The following TET2 variants were observed in gnomAD, a reference collection of about 807,000 sequenced individuals.
TET2 encodes methylcytosine dioxygenase TET2.
A neutral mutation model predicts 142.9 loss-of-function variants in TET2; 299 were observed. That is an observed-to-expected ratio of 2.09 (90% confidence interval 1.90 to 2.30). TET2 has a LOEUF of 2.30. Ranked by LOEUF, TET2 falls within the 30% of genes most tolerant of loss-of-function variation. TET2 has a pLI of 0.00. For missense variants in TET2, 2,418 were observed against 2,378.0 expected (o/e 1.02, Z -0.35); for synonymous variants, 819 against 849.0 (o/e 0.96, Z 0.61).
chr4:105,221,960 C>T (rs1313780385), intron 2 of TET2, among the ~76,000 whole-genome samples: 4 of 146,058 alleles, frequency 2.7e-5, no homozygotes, highest in East Asian at 2.0e-4. Context: ...TGAGAATATG[C>T]GGTGTTTGGT....
At chr4:105,244,616 A>T (rs1041979531) in intron 6 of TET2, among the ~76,000 whole-genome samples, 37 of 62,854 alleles carry the variant, frequency 5.9e-4, no homozygotes, top group Non-Finnish European at 6.4e-4. Context: ...TTTTTTTGAG[A>T]TGGAGTTTCG....
Position 105,168,736 on chromosome 4 carries a change from C to T in TET2, c.-192-21624C>T, listed in dbSNP as rs533436513. 3.9e-5 allele frequency among the ~76,000 whole-genome samples: 6 copies of T among 152,232 alleles called. 1 individual carries two copies. In the South Asian group the frequency reaches 1.2e-3, roughly 32 times the overall value. ...TTCGTAGTCTTTTATTCCTCACCCCCTTCCCACCCTTTTCCCCTGAGTCCC... is the reference window on the plus strand; with the variant it reads ...TTCGTAGTCTTTTATTCCTCACCCCTTTCCCACCCTTTTCCCCTGAGTCCC... On this transcript the variant is annotated intron_variant, in intron 1 of 10. Coordinates refer to ENST00000380013, the MANE Select transcript of TET2 (RefSeq NM_001127208.3).
At chr4:105,262,595 G>A (rs1259147131) in intron 8 of TET2, among the ~76,000 whole-genome samples, 1 of 151,980 alleles carries the variant, frequency 6.6e-6, no homozygotes, top group African/African-American at 2.4e-5. Context: ...TAAGAATTCC[G>A]TCTTTGCTGG....
chr4:105,196,598 C>T (rs758331374), intron 2 of TET2, among the ~76,000 whole-genome samples: 6 of 152,136 alleles, frequency 3.9e-5, no homozygotes, highest in African/African-American at 9.7e-5. Context: ...ACCGTGACAT[C>T]GTATTTTACA....
At position 105,257,080 on chromosome 4, in the gene TET2, T is replaced by C. The variant is rs550812926; in HGVS notation, c.3804-2539T>C. ...TGGACTTTTTCAGGAATAGCCTCTA[T>C]TGACTACTTTATAGGGGCCATACTT... On this transcript the variant is annotated intron_variant, in intron 6 of 10. Coordinates refer to ENST00000380013, the MANE Select transcript of TET2 (RefSeq NM_001127208.3). Among the ~76,000 whole-genome samples, 128 of 152,304 alleles carry C rather than the reference T, an allele frequency of 8.4e-4. 3 individuals carry two copies. In the South Asian group the frequency reaches 0.026, roughly 31 times the overall value.
chr4:105,233,855 T>TAGAC (rs1728658678), intron 2 of TET2, 42 bp from the exon 3 acceptor site: 1 of 904,894 alleles, frequency 1.1e-6, no homozygotes, highest in Admixed American at 2.8e-5. Context: ...GATAGATAGA[T>TAGAC]AGAAATAAAC....
intron 6 of TET2, among the ~76,000 whole-genome samples, chr4:105,250,899 C>T (rs1729840979): frequency 6.6e-6 from 1 of 151,798 alleles, no homozygotes; most frequent in Non-Finnish European, 1.5e-5. Context: ...CCAGGCTGGT[C>T]TCAAACACCT....
intron 7 of TET2, among the ~76,000 whole-genome samples, chr4:105,261,015 G>A (rs529512149): frequency 6.6e-6 from 1 of 151,828 alleles, no homozygotes; most frequent in East Asian, 1.9e-4. Context: ...GCTCTGTTCA[G>A]AAACCTCCTC....
chr4:105,269,882 TCA>T, intron 9 of TET2, 135 bp downstream of exon 9: 2 of 1,081,420 alleles, frequency 1.8e-6, no homozygotes, highest in Non-Finnish European at 2.6e-6. Context: ...TGTGGAGGCC[TCA>T]CAATCATAGC....
At chr4:105,171,797 C>T (rs1351413030) in intron 1 of TET2, 1 of 152,224 alleles carries the variant, frequency 6.6e-6, no homozygotes, top group East Asian at 1.9e-4. Context: ...CAGAAACAGA[C>T]TATTCTCTTT....
At chr4:105,240,578 T>TCC (rs1729238674) in intron 3 of TET2, 1 of 1,079,488 alleles carries the variant, frequency 9.3e-7, no homozygotes, top group African/African-American at 1.6e-5. Context: ...GAGGGAGGAC[T>TCC]CCTACTGTCC....
chr4:105,208,636 C>T (rs974716239), intron 2 of TET2, among the ~76,000 whole-genome samples: 3 of 151,954 alleles, frequency 2.0e-5, no homozygotes, highest in Non-Finnish European at 4.4e-5. Flanking sequence ...GCTGAGCATG[C>T]GCAGCTTTAC....
At chr4:105,246,664 A>T (rs184420720) in intron 6 of TET2, among the ~76,000 whole-genome samples, 1 of 152,342 alleles carries the variant, frequency 6.6e-6, no homozygotes, top group East Asian at 1.9e-4. Context: ...ATTTTATTTT[A>T]TGGCTGGCAG....
At chr4:105,155,351 T>A (rs1723514267) in intron 1 of TET2, among the ~76,000 whole-genome samples, 1 of 152,232 alleles carries the variant, frequency 6.6e-6, no homozygotes, top group East Asian at 1.9e-4. Context: ...TTTGCAGCAG[T>A]CTTCATAATG....
intron 2 of TET2, among the ~76,000 whole-genome samples, chr4:105,203,276 T>C (rs995503109): frequency 1.1e-4 from 17 of 152,236 alleles, no homozygotes; most frequent in African/African-American, 3.6e-4. Context: ...CCATGTGGAC[T>C]CATATTTGGC....
intron 1 of TET2, among the ~76,000 whole-genome samples, chr4:105,180,148 C>T (rs780099605): frequency 1.3e-5 from 2 of 152,202 alleles, no homozygotes; most frequent in Admixed American, 6.5e-5. Context: ...CTTTGTTTCT[C>T]ATCCAAAATC....
chr4:105,272,482 T>C lies in TET2; in HGVS notation c.4183-82T>C, dbSNP rs529706645. ...AGGCCACCAACACAAATCTGAATAC[T>C]GAGAGGAGAAAGATACACACACACA... On this transcript the variant is annotated intron_variant, in intron 9 of 10. Transcript: ENST00000380013. The C allele has an allele frequency of 2.7e-4, 253 of 939,026 alleles. No homozygotes were observed. The African/African-American group carries it at 3.9e-3, about 15-fold the overall frequency. 58.2% of individuals were successfully genotyped at this position (939,026 alleles called of 1,614,324 possible). A position where few individuals can be genotyped will look rare whatever the true frequency, so the allele number is the denominator to read the frequency against.
intron 2 of TET2, among the ~76,000 whole-genome samples, chr4:105,193,493 C>A (rs1725904564): frequency 6.6e-6 from 1 of 151,988 alleles, no homozygotes; most frequent in Non-Finnish European, 1.5e-5. Context: ...TTAGCTATAT[C>A]ATTATTTTTA....
In TET2 at chr4:105,234,138, A is replaced by T. The variant is rs1415748040; in HGVS notation, c.196A>T (p.Met66Leu). Residue 66 changes from methionine (M) to leucine (L), a missense_variant, in exon 3 of 11, where the codon ATG becomes TTG. Coordinates refer to ENST00000380013, the MANE Select transcript of TET2 (RefSeq NM_001127208.3). The stretch of plus-strand genomic sequence containing the variant: ...CAAAAGTTATTATGGAATACCCTGT[A>T]TGAAGGGAAGCCAGAATAGTCGTGT... ...SFKSYYGIPC[M>L]KGSQNSRVSP... is the part of the protein sequence containing the mutation. The T allele has an allele frequency of 1.2e-5, 19 of 1,614,084 alleles. No individual in the cohort carries two copies. The highest frequency in any genetic ancestry group is 1.6e-5 in the Non-Finnish European group (19 of 1,180,022).
Sources: allele counts gnomAD v4.1 joint callset (sites outside exome capture counted in the v4.1 genomes callset), GRCh38; gene constraint gnomAD v4.1.1; transcripts MANE v1.5; gene names NCBI Gene and HGNC (gene_info 2026-07-23, HGNC 2026-07-21).